CDS2: variants seen among roughly 807,000 people sequenced by gnomAD.
CDS2 encodes the protein phosphatidate cytidylyltransferase 2.
Under a neutral mutation model 59.0 loss-of-function variants are expected in CDS2, and 47 were observed. The ratio of observed to expected loss-of-function variants is 0.80; its 90% CI spans 0.63 to 1.02. The LOEUF (loss-of-function observed/expected upper bound fraction) is 1.02, where lower values mean the gene tolerates loss of function less well. Among genes scored for constraint, CDS2 ranks in the 50% least tolerant of loss-of-function variants. The probability of loss-of-function intolerance (pLI) is 0.00; values close to 1 mark genes in which losing one functional copy is unlikely to be tolerated. For synonymous variants in CDS2, 207 were observed against 206.4 expected, an observed-to-expected ratio of 1.00 and a Z score of -0.02; for missense variants, 356 against 558.9, an observed-to-expected ratio of 0.64 and a Z score of 3.66.
At position 5,160,805 on chromosome 20, in the gene CDS2, A is replaced by G. The variant is rs1166430971; in HGVS notation, c.58-12718A>G. Among the ~76,000 whole-genome samples the G allele has an allele frequency of 3.7e-4, 56 of 152,094 alleles. 1 individual carries two copies. The highest frequency in any genetic ancestry group is 3.7e-3 in the Admixed American group (56 of 15,272). ...GTACCTCATGTAAGTGGAATCATAT[A>G]TTTGTCCTTTTGTGTGTGGCTTATT... On this transcript the variant is annotated intron_variant, in intron 1 of 12. Coordinates refer to ENST00000460006, the MANE Select transcript of CDS2 (RefSeq NM_003818.4).
At chr20:5,132,128 C>T (rs577537019) in intron 1 of CDS2, among the ~76,000 whole-genome samples, 14 of 150,334 alleles carry the variant, frequency 9.3e-5, no homozygotes, top group East Asian at 3.9e-4. Flanking sequence ...GATGGAGTCT[C>T]GCTGTGCCAC....
At chr20:5,153,778 A>C (rs545547068) in intron 1 of CDS2, among the ~76,000 whole-genome samples, 13 of 152,282 alleles carry the variant, frequency 8.5e-5, no homozygotes, top group Middle Eastern at 3.4e-3. Context: ...ATTGATATTC[A>C]TTATTAATGT....
intron 1 of CDS2, among the ~76,000 whole-genome samples, chr20:5,153,505 C>T (rs182603707): frequency 4.6e-5 from 7 of 152,284 alleles, no homozygotes; most frequent in Admixed American, 2.0e-4. Context: ...TTTCAAGACC[C>T]GGTAGGTCTC....
chr20:5,156,635 T>C (rs922612831), intron 1 of CDS2, among the ~76,000 whole-genome samples: 2 of 152,300 alleles, frequency 1.3e-5, no homozygotes, highest in South Asian at 2.1e-4. Flanking sequence ...GCCAGTCACA[T>C]TGACTAAAAA....
chr20:5,184,975 A>G lies in CDS2; in HGVS notation c.759+30A>G. The G allele has an allele frequency of 6.8e-7, 1 of 1,481,324 alleles. No homozygotes were observed. The highest frequency in any genetic ancestry group is 1.1e-5 in the South Asian group (1 of 88,382). The allele number at this position is 1,481,324 out of a possible 1,614,324, so 91.8% of individuals were successfully genotyped here. A position where few individuals can be genotyped will look rare whatever the true frequency, so the allele number is the denominator to read the frequency against. ...ATGGATTACCCTAATGTGAAATACCACTGTGAGGGGAGGGTGGTGCTCTCA... is the reference window on the plus strand; with the variant it reads ...ATGGATTACCCTAATGTGAAATACCGCTGTGAGGGGAGGGTGGTGCTCTCA... On this transcript the variant is annotated intron_variant, in intron 8 of 12. Coordinates refer to ENST00000460006, the MANE Select transcript of CDS2 (RefSeq NM_003818.4). The surrounding 1 kb of genome is among the most constrained non-coding windows in gnomAD (Gnocchi z 4.3).
At chr20:5,181,890 A>G (rs1242106221) in intron 5 of CDS2, among the ~76,000 whole-genome samples, 1 of 152,194 alleles carries the variant, frequency 6.6e-6, no homozygotes, top group Non-Finnish European at 1.5e-5. Context: ...ATGGTATTAT[A>G]ATCTATGGGT....
At chr20:5,161,048 G>A (rs2090873123) in intron 1 of CDS2, among the ~76,000 whole-genome samples, 2 of 152,168 alleles carry the variant, frequency 1.3e-5, no homozygotes, top group African/African-American at 2.4e-5. Flanking sequence ...CCTGCCCTCA[G>A]TTCTTTTGGG....
chr20:5,193,029 G>A lies in CDS2; in HGVS notation c.*2795G>A, dbSNP rs2091129546. 1 of 152,252 alleles carries A rather than the reference G, an allele frequency of 6.6e-6. No homozygotes were observed. Among genetic ancestry groups the A allele is most frequent in the South Asian group, 2.1e-4 (1 of 4,832 alleles). The allele number at this position is 152,252 out of a possible 1,614,324, so 9.4% of individuals were successfully genotyped here. ...GCTCAGGAGGCCTGGCCTGAGCCAG[G>A]TTGGAGCTTAAATTGCTGTTGGCTC... On this transcript the variant is annotated 3_prime_UTR_variant, in exon 13 of 13. Coordinates refer to ENST00000460006, the MANE Select transcript of CDS2 (RefSeq NM_003818.4).
At chr20:5,146,566 T>A (rs948028221) in intron 1 of CDS2, among the ~76,000 whole-genome samples, 1 of 152,224 alleles carries the variant, frequency 6.6e-6, no homozygotes, top group African/African-American at 2.4e-5. Context: ...GGACCTAAGT[T>A]TTTTTGAGCA....
At chr20:5,159,284 G>A (rs1003631045) in intron 1 of CDS2, among the ~76,000 whole-genome samples, 1 of 150,228 alleles carries the variant, frequency 6.7e-6, no homozygotes, top group African/African-American at 2.5e-5. Context: ...CCATTAACTC[G>A]TCATTTACAT....
chr20:5,195,658 G>A lies in CDS2; in HGVS notation c.*5424G>A, dbSNP rs1014374678. The A allele has an allele frequency of 6.6e-6, 1 of 152,430 alleles. No homozygotes were observed. Among genetic ancestry groups the A allele is most frequent in the African/African-American group, 2.4e-5 (1 of 41,456 alleles). The allele number at this position is 152,430 out of a possible 1,614,324, so 9.4% of individuals were successfully genotyped here. A position where few individuals can be genotyped will look rare whatever the true frequency, so the allele number is the denominator to read the frequency against. On this transcript the variant is annotated 3_prime_UTR_variant, in exon 13 of 13. Transcript: ENST00000460006. Reference sequence around the variant, plus strand: ...CCTGTATGGGTGGATGTCCTCAGGGGCCAAGAAGAGAAGAATGGGGACAAC... The same window carrying A: ...CCTGTATGGGTGGATGTCCTCAGGGACCAAGAAGAGAAGAATGGGGACAAC...
At chr20:5,129,426 G>A (rs539723635) in intron 1 of CDS2, among the ~76,000 whole-genome samples, 2 of 149,954 alleles carry the variant, frequency 1.3e-5, no homozygotes, top group African/African-American at 4.9e-5. Context: ...ATAGGCATCC[G>A]CCACCACGCT....
rs753031394 is a variant in CDS2 at position 5,175,244 on chromosome 20, A to G, written c.256A>G (p.Ile86Val). The change falls in exon 3 of 13, where the codon ATC becomes GTC. Residue 86 changes from isoleucine (I) to valine (V), a missense_variant. Physicochemically the swap from Ile to Val is conservative, Grantham distance 29. This residue lies in a region of CDS2 where 107 missense variants were observed against 129.7 expected (regional missense o/e 0.82). Coordinates refer to ENST00000460006, the MANE Select transcript of CDS2 (RefSeq NM_003818.4). ...GGCCATGATTGCATTTTTCTTCATC[A>G]TCATTTACCTGGGACCAATGGTTTT... is the stretch of plus-strand genomic sequence containing the variant. ...TLAMIAFFFI[I>V]IYLGPMVLMI... 1.9e-6 allele frequency: 3 copies of G among 1,613,998 alleles called. No individual in the cohort carries two copies. Among genetic ancestry groups the G allele is most frequent in the South Asian group, 2.2e-5 (2 of 91,086 alleles).
chr20:5,173,419 C>T, intron 1 of CDS2, 104 bp from the exon 2 acceptor site: 1 of 1,314,926 alleles, frequency 7.6e-7, no homozygotes. Context: ...TTCTTAGGCC[C>T]TGTTTGGAGT....
At chr20:5,153,594 T>C (rs1276312568) in intron 1 of CDS2, among the ~76,000 whole-genome samples, 1 of 152,242 alleles carries the variant, frequency 6.6e-6, no homozygotes, top group Non-Finnish European at 1.5e-5. Context: ...ATGAAAAAGC[T>C]AAGGCCCAGT....
intron 5 of CDS2, 124 bp downstream of exon 5, chr20:5,179,080 A>T: frequency 1.3e-6 from 1 of 783,952 alleles, no homozygotes; most frequent in Non-Finnish European, 2.1e-6. Flanking sequence ...CATGCAGGGG[A>T]GCAGAGCTGA....
chr20:5,189,965 T>TA, intron 12 of CDS2, 127 bp downstream of exon 12: 1 of 1,369,328 alleles, frequency 7.3e-7, no homozygotes, highest in Non-Finnish European at 1.0e-6. Context: ...TGTTTCTGCT[T>TA]ACAGATTTTC....
rs2091104364 is a variant in CDS2 at position 5,190,328 on chromosome 20, T to G, written c.*94T>G. The G allele has an allele frequency of 4.9e-6, 6 of 1,220,602 alleles. No homozygotes were observed. The East Asian group carries it at 1.6e-4, about 32-fold the overall frequency. 75.6% of individuals were successfully genotyped at this position (1,220,602 alleles called of 1,614,324 possible). On this transcript the variant is annotated 3_prime_UTR_variant, in exon 13 of 13. Coordinates refer to ENST00000460006, the MANE Select transcript of CDS2 (RefSeq NM_003818.4). ...GGTGTGACTTAGACAATGACGAGGC[T>G]TCAACTCACTGTCTTTTTTTTTTTT... is the stretch of plus-strand genomic sequence containing the variant.
intron 1 of CDS2, among the ~76,000 whole-genome samples, chr20:5,156,451 C>T (rs539406477): frequency 3.3e-5 from 5 of 152,090 alleles, no homozygotes; most frequent in South Asian, 2.1e-4. Context: ...GGACATAACT[C>T]GTGTTATGGG....
Sources: allele counts gnomAD v4.1 joint callset (sites outside exome capture counted in the v4.1 genomes callset), GRCh38; gene constraint gnomAD v4.1.1; regional missense constraint gnomAD v4.1.1; non-coding constraint Gnocchi (gnomAD v3.1); transcripts MANE v1.5; gene names NCBI Gene and HGNC (gene_info 2026-07-23, HGNC 2026-07-21).